BMPR1B: variants seen among roughly 807,000 people sequenced by gnomAD.
BMPR1B encodes the protein bone morphogenetic protein receptor type-1B.
BMPR1B carries 12 observed loss-of-function variants against 59.1 expected under a neutral mutation model. The observed-to-expected ratio is 0.20, with a 90% CI of 0.13 to 0.33. The LOEUF (loss-of-function observed/expected upper bound fraction) is 0.33. BMPR1B is among the 10% of genes least tolerant of loss of function. The probability of loss-of-function intolerance (pLI) is 1.00; values close to 1 mark genes in which losing one functional copy is unlikely to be tolerated. For synonymous variants in BMPR1B, 237 were observed against 207.3 expected, an observed-to-expected ratio of 1.14 and a Z score of -1.23; for missense variants, 550 against 610.9, an observed-to-expected ratio of 0.90 and a Z score of 1.05.
intron 1 of BMPR1B, among the ~76,000 whole-genome samples, chr4:94,806,519 A>G (rs1285370734): frequency 1.3e-5 from 2 of 152,224 alleles, no homozygotes; most frequent in South Asian, 2.1e-4. Flanking sequence ...TGAGGATGAA[A>G]TAGATCATTT....
At chr4:94,868,899 G>C (rs1726363653) in intron 1 of BMPR1B, among the ~76,000 whole-genome samples, 2 of 152,104 alleles carry the variant, frequency 1.3e-5, no homozygotes, top group South Asian at 4.1e-4. Context: ...AATTTCTTCT[G>C]TAACTGCTAG....
chr4:94,937,558 T>A (rs1729360760), intron 2 of BMPR1B, among the ~76,000 whole-genome samples: 1 of 152,224 alleles, frequency 6.6e-6, no homozygotes, highest in African/African-American at 2.4e-5. Flanking sequence ...GGAAAAAAAT[T>A]AAAAGAATAT....
chr4:95,097,940 A>G (rs1431505153), intron 3 of BMPR1B, among the ~76,000 whole-genome samples: 2 of 152,174 alleles, frequency 1.3e-5, no homozygotes, highest in African/African-American at 2.4e-5. Flanking sequence ...GATACCTTCC[A>G]GTTGTTTTCA....
At chr4:95,031,814 C>T (rs181924961) in intron 3 of BMPR1B, among the ~76,000 whole-genome samples, 130 of 152,168 alleles carry the variant, frequency 8.5e-4, no homozygotes, top group Admixed American at 3.3e-3. Flanking sequence ...GTAATCTCAG[C>T]ACTTTAGGAG....
At chr4:95,086,064 T>G (rs1035810) in intron 3 of BMPR1B, among the ~76,000 whole-genome samples, 1 of 151,876 alleles carries the variant, frequency 6.6e-6, no homozygotes, top group East Asian at 1.9e-4. Context: ...TGTTAATATG[T>G]TTGACAGTTA....
chr4:94,985,509 CTGTGTGTG>C (rs60003954), intron 2 of BMPR1B, among the ~76,000 whole-genome samples: 4,282 of 138,848 alleles, frequency 0.031, 95 homozygotes, highest in African/African-American at 0.06. Context: ...AAAATAAGAG[CTGTGTGTG>C]TGTGTGTGTG....
In BMPR1B at chr4:94,844,675, G is replaced by A. The variant is rs1334907391; in HGVS notation, c.-182-31156G>A. 6.7e-4 allele frequency among the ~76,000 whole-genome samples: 100 copies of A among 149,482 alleles called. 2 individuals are homozygous for A. The highest frequency in any genetic ancestry group is 1.4e-3 in the East Asian group (7 of 5,074). On this transcript the variant is annotated intron_variant, in intron 1 of 12. Transcript: ENST00000515059. ...CTTTATGTCTGCCTGACTTCCCCCC[G>A]CTGCCCCGCTCCCCGCCCCAGATTG...
chr4:95,137,920 T>C (rs1733927122), intron 10 of BMPR1B, among the ~76,000 whole-genome samples: 2 of 152,190 alleles, frequency 1.3e-5, no homozygotes, highest in South Asian at 4.1e-4. Flanking sequence ...AAGGTTAATA[T>C]TGTTATGTGT....
chr4:94,815,516 A>G (rs140635476), intron 1 of BMPR1B, among the ~76,000 whole-genome samples: 1 of 152,300 alleles, frequency 6.6e-6, no homozygotes, highest in Non-Finnish European at 1.5e-5. Context: ...TTCTTTCACA[A>G]CGTGCCACAT....
intron 3 of BMPR1B, among the ~76,000 whole-genome samples, chr4:95,086,011 G>A (rs529923107): frequency 4.1e-4 from 60 of 145,908 alleles, no homozygotes; most frequent in African/African-American, 1.5e-3. Flanking sequence ...GTGTGTGTGT[G>A]TAAAAAGGAG....
rs548411363 is a variant in BMPR1B, at chr4:95,028,717, G to T, written c.-18+32583G>T. 4.6e-5 allele frequency among the ~76,000 whole-genome samples: 7 copies of T among 152,228 alleles called. No homozygotes were observed. The South Asian group carries it at 1.5e-3, about 32-fold the overall frequency. ...TTTAAAAGATGCCTTGTTTGTGGTAGATGTATGCCTCTAAAATTATGTGTT... is the reference window on the plus strand; with the variant it reads ...TTTAAAAGATGCCTTGTTTGTGGTATATGTATGCCTCTAAAATTATGTGTT... On this transcript the variant is annotated intron_variant, in intron 3 of 12. Transcript: ENST00000515059.
At chr4:94,865,408 T>C (rs967101367) in intron 1 of BMPR1B, among the ~76,000 whole-genome samples, 31 of 152,028 alleles carry the variant, frequency 2.0e-4, no homozygotes, top group Non-Finnish European at 3.8e-4. Context: ...TTAATTTTTT[T>C]GAGACGGAGT....
intron 3 of BMPR1B, among the ~76,000 whole-genome samples, chr4:94,998,765 A>C (rs1297462574): frequency 6.6e-6 from 1 of 152,106 alleles, no homozygotes; most frequent in Non-Finnish European, 1.5e-5. Context: ...TCTACTGCTT[A>C]TAGATAAAGA....
intron 8 of BMPR1B, among the ~76,000 whole-genome samples, chr4:95,129,469 G>C (rs1173348769): frequency 6.0e-5 from 9 of 150,726 alleles, no homozygotes; most frequent in African/African-American, 1.7e-4. Flanking sequence ...TTACAATTTT[G>C]TTTTGTTATA....
At chr4:95,058,136 A>G (rs894420032) in intron 3 of BMPR1B, among the ~76,000 whole-genome samples, 3 of 152,216 alleles carry the variant, frequency 2.0e-5, no homozygotes, top group Admixed American at 6.5e-5. Flanking sequence ...GTTGCAAACT[A>G]TATGTCTCAT....
At chr4:94,870,454 G>T (rs1224515367) in intron 1 of BMPR1B, among the ~76,000 whole-genome samples, 3 of 152,078 alleles carry the variant, frequency 2.0e-5, no homozygotes, top group Non-Finnish European at 2.9e-5. Flanking sequence ...CCATGTGATG[G>T]TTATGGAGTT....
chr4:95,060,865 A>G (rs1009721737), intron 3 of BMPR1B, among the ~76,000 whole-genome samples: 1 of 152,154 alleles, frequency 6.6e-6, no homozygotes, highest in African/African-American at 2.4e-5. Flanking sequence ...GAAAAGATCT[A>G]TGCCAGAATT....
chr4:95,104,609 TCA>T, intron 4 of BMPR1B, 42 bp downstream of exon 4: 1 of 1,607,692 alleles, frequency 6.2e-7, no homozygotes, highest in African/African-American at 1.3e-5. Context: ...TAACAAAAAG[TCA>T]CACTTTTTCA....
At chr4:95,124,459 C>T (rs1732759762) in intron 7 of BMPR1B, among the ~76,000 whole-genome samples, 1 of 151,868 alleles carries the variant, frequency 6.6e-6, no homozygotes, top group South Asian at 2.1e-4. Context: ...TTGAGATACT[C>T]TGCAAATGGT....
Sources: allele counts gnomAD v4.1 joint callset (sites outside exome capture counted in the v4.1 genomes callset), GRCh38; gene constraint gnomAD v4.1.1; transcripts MANE v1.5; gene names NCBI Gene and HGNC (gene_info 2026-07-23, HGNC 2026-07-21).